The following PALM2AKAP2 variants were observed in gnomAD, a reference collection of about 807,000 sequenced individuals.
PALM2AKAP2 encodes the protein PALM2-AKAP2 fusion protein.
In PALM2AKAP2, 37 loss-of-function variants were observed where a neutral mutation model predicts 71.5. That is an observed-to-expected ratio of 0.52 (90% CI 0.40 to 0.68). The LOEUF (loss-of-function observed/expected upper bound fraction) is 0.68. PALM2AKAP2 is among the 30% of genes least tolerant of loss of function. PALM2AKAP2 has a pLI of 0.00. For synonymous variants in PALM2AKAP2, 468 were observed against 478.8 expected, an observed-to-expected ratio of 0.98 and a Z score of 0.29; for missense variants, 1,224 against 1,191.8, an observed-to-expected ratio of 1.03 and a Z score of -0.40.
At chr9:110,135,702 C>T (rs1403308088) in intron 1 of PALM2AKAP2, among the ~76,000 whole-genome samples, 1 of 152,188 alleles carries the variant, frequency 6.6e-6, no homozygotes, top group African/African-American at 2.4e-5. Context: ...CAAAAAGTTT[C>T]TTGTCTCCAG....
intron 3 of PALM2AKAP2, among the ~76,000 whole-genome samples, chr9:109,907,732 G>A (rs1442547367): frequency 6.6e-6 from 1 of 152,244 alleles, no homozygotes; most frequent in Non-Finnish European, 1.5e-5. Context: ...CCAGTGGGAT[G>A]ACAAATTTCT....
At chr9:109,913,902 G>A (rs991239633) in intron 3 of PALM2AKAP2, among the ~76,000 whole-genome samples, 2 of 151,280 alleles carry the variant, frequency 1.3e-5, no homozygotes, top group African/African-American at 2.4e-5. Context: ...GACTACAGGC[G>A]CCCGCCACTA....
chr9:109,811,875 A>G (rs985550562), intron 1 of PALM2AKAP2, among the ~76,000 whole-genome samples: 1 of 152,246 alleles, frequency 6.6e-6, no homozygotes, highest in African/African-American at 2.4e-5. Flanking sequence ...ACCCAGGTAT[A>G]TTGTATTTTC....
chr9:109,840,124 G>A (rs1220600170), intron 1 of PALM2AKAP2, among the ~76,000 whole-genome samples: 2 of 152,150 alleles, frequency 1.3e-5, no homozygotes, highest in African/African-American at 4.8e-5. Flanking sequence ...ATACTACAAG[G>A]CTATAGTAAC....
At chr9:109,802,000 A>G (rs1490674868) in intron 1 of PALM2AKAP2, among the ~76,000 whole-genome samples, 1 of 152,222 alleles carries the variant, frequency 6.6e-6, no homozygotes, top group Admixed American at 6.5e-5. Context: ...CCAGCTGGAC[A>G]CAAAATGCCA....
intron 1 of PALM2AKAP2, among the ~76,000 whole-genome samples, chr9:109,649,959 T>TTCATAAA (rs1827203264): frequency 1.3e-5 from 2 of 152,204 alleles, no homozygotes; most frequent in Admixed American, 6.5e-5. Context: ...ACTTGATGAC[T>TTCATAAA]TGGTTTAGCA....
At chr9:110,084,837 G>A (rs1323631831) in intron 1 of PALM2AKAP2, among the ~76,000 whole-genome samples, 1 of 152,028 alleles carries the variant, frequency 6.6e-6, no homozygotes, top group East Asian at 1.9e-4. Flanking sequence ...CCGGGTTCAA[G>A]CGATTCTCCT....
At chr9:109,642,309 T>A (rs1827081597) in intron 1 of PALM2AKAP2, among the ~76,000 whole-genome samples, 3 of 151,790 alleles carry the variant, frequency 2.0e-5, no homozygotes, top group Admixed American at 2.0e-4. Context: ...TTCATGTACT[T>A]TTTGTGAACA....
intron 1 of PALM2AKAP2, among the ~76,000 whole-genome samples, chr9:109,669,331 T>C (rs1827539606): frequency 1.3e-5 from 2 of 152,064 alleles, no homozygotes; most frequent in African/African-American, 4.8e-5. Context: ...AATGAGACAA[T>C]CACATGGATT....
At chr9:110,107,692 G>A (rs752673945) in intron 1 of PALM2AKAP2, among the ~76,000 whole-genome samples, 1 of 152,064 alleles carries the variant, frequency 6.6e-6, no homozygotes, top group Non-Finnish European at 1.5e-5. Flanking sequence ...TCAGCCTCCC[G>A]AGTAGCTGGG....
intron 1 of PALM2AKAP2, among the ~76,000 whole-genome samples, chr9:109,750,571 C>CGTGTGTGT (rs111708702): frequency 0.3 from 44,080 of 146,812 alleles, 6,880 homozygotes; most frequent in Middle Eastern, 0.38. Flanking sequence ...TGCCCTAGGA[C>CGTGTGTGT]GTGTGTGTGT....
intron 2 of PALM2AKAP2, among the ~76,000 whole-genome samples, chr9:109,877,506 C>T (rs1587979308): frequency 6.6e-6 from 1 of 152,060 alleles, no homozygotes; most frequent in Non-Finnish European, 1.5e-5. Context: ...GTCTCAGAGC[C>T]AGTAGAGGTG....
chr9:109,970,669 G>T (rs773794779), intron 6 of PALM2AKAP2, among the ~76,000 whole-genome samples: 2 of 152,226 alleles, frequency 1.3e-5, no homozygotes, highest in Non-Finnish European at 2.9e-5. Flanking sequence ...GACCCAGGAT[G>T]AGTTAATAGC....
chr9:109,936,330 A>G (rs1831216642), intron 6 of PALM2AKAP2, among the ~76,000 whole-genome samples: 1 of 152,190 alleles, frequency 6.6e-6, no homozygotes, highest in Non-Finnish European at 1.5e-5. Flanking sequence ...TATTCCTTCT[A>G]TCTAACTATA....
Position 109,774,355 on chromosome 9 carries a change from A to G in PALM2AKAP2, c.6-6133A>G, listed in dbSNP as rs74416270. Among the ~76,000 whole-genome samples, 115 of 152,350 alleles carry G rather than the reference A, an allele frequency of 7.5e-4. 1 individual carries two copies. In the East Asian group the frequency reaches 0.021, roughly 27 times the overall value. Reference sequence around the variant, plus strand: ...CCAAACCTAGAATTGTTTCTACCACAGAGCACCTTCAATATGTAGGCATGT... The same window carrying G: ...CCAAACCTAGAATTGTTTCTACCACGGAGCACCTTCAATATGTAGGCATGT... On this transcript the variant is annotated intron_variant, in intron 1 of 6. Transcript: ENST00000374531.
chr9:109,747,869 G>T (rs960613509), intron 1 of PALM2AKAP2, among the ~76,000 whole-genome samples: 8 of 152,032 alleles, frequency 5.3e-5, no homozygotes, highest in African/African-American at 1.9e-4. Flanking sequence ...CAGGGTTTTG[G>T]CATGTTGCCC....
intron 1 of PALM2AKAP2, among the ~76,000 whole-genome samples, chr9:109,751,828 G>A (rs761538868): frequency 1.3e-5 from 2 of 152,162 alleles, no homozygotes; most frequent in South Asian, 4.1e-4. Context: ...GAACTCATTT[G>A]TTCAAATGCC....
intron 1 of PALM2AKAP2, among the ~76,000 whole-genome samples, chr9:110,111,024 C>T (rs1423401768): frequency 6.6e-6 from 1 of 151,584 alleles, no homozygotes; most frequent in Non-Finnish European, 1.5e-5. Flanking sequence ...ATTTATTAAG[C>T]CTGAATTACA....
chr9:110,008,033 A>G (rs1044417951), intron 6 of PALM2AKAP2, among the ~76,000 whole-genome samples: 2 of 152,146 alleles, frequency 1.3e-5, no homozygotes, highest in African/African-American at 4.8e-5. Flanking sequence ...ACTATAGTCA[A>G]ATTAGGTAGG....
Sources: gnomAD v4.1 joint callset for allele counts (sites outside exome capture counted in the v4.1 genomes callset) on GRCh38, gnomAD v4.1.1 for gene constraint, MANE v1.5 for transcripts, NCBI Gene and HGNC (gene_info 2026-07-23, HGNC 2026-07-21) for gene names.